Variants in PCDH9 observed in about 807,000 individuals in gnomAD.
PCDH9 encodes the protein protocadherin 9, also known as protocadherin-9.
In PCDH9, 24 loss-of-function variants were observed where a neutral mutation model predicts 70.6. The ratio of observed to expected loss-of-function variants is 0.34; its 90% confidence interval spans 0.25 to 0.48. The LOEUF is 0.48. Ranked by LOEUF, PCDH9 falls within the 20% of genes least tolerant of loss-of-function variation. PCDH9 has a pLI of 0.99. For synonymous variants in PCDH9, 562 were observed against 558.5 expected (o/e 1.01, Z -0.09); for missense variants, 1,281 against 1,503.6 (o/e 0.85, Z 2.45).
intron 4 of PCDH9, among the ~76,000 whole-genome samples, chr13:66,575,381 G>A (rs1256443862): frequency 6.6e-6 from 1 of 151,990 alleles, no homozygotes; most frequent in Non-Finnish European, 1.5e-5. Flanking sequence ...CAGAAATCTG[G>A]ATGTCTTTAT....
intron 3 of PCDH9, among the ~76,000 whole-genome samples, chr13:66,902,160 A>G (rs1015690068): frequency 1.3e-5 from 2 of 151,672 alleles, no homozygotes; most frequent in African/African-American, 2.4e-5. Context: ...TTCTTCTCTC[A>G]ATGTTCAAGA....
At chr13:66,570,728 A>G (rs57962321) in intron 4 of PCDH9, among the ~76,000 whole-genome samples, 52,542 of 151,940 alleles carry the variant, frequency 0.35, 9,579 homozygotes, top group African/African-American at 0.46. Context: ...ATTAGGCAAT[A>G]GATTTTGAAT....
At chr13:67,104,421 G>T (rs921701839) in intron 2 of PCDH9, among the ~76,000 whole-genome samples, 3 of 152,182 alleles carry the variant, frequency 2.0e-5, no homozygotes, top group African/African-American at 7.2e-5. Flanking sequence ...AGCCTTTGGA[G>T]TCATTTTCCT....
chr13:66,391,327 G>T (rs1957013935), intron 4 of PCDH9, among the ~76,000 whole-genome samples: 1 of 152,148 alleles, frequency 6.6e-6, no homozygotes, highest in South Asian at 2.1e-4. Context: ...TCTTCATGTG[G>T]ATGTCTTGAA....
At chr13:67,178,225 G>A (rs901973150) in intron 2 of PCDH9, among the ~76,000 whole-genome samples, 3 of 151,998 alleles carry the variant, frequency 2.0e-5, no homozygotes, top group Admixed American at 2.0e-4. Flanking sequence ...CTAAGATGGG[G>A]AAAAAGATAC....
chr13:66,953,263 C>T (rs1344094264), intron 2 of PCDH9, among the ~76,000 whole-genome samples: 1 of 152,050 alleles, frequency 6.6e-6, no homozygotes, highest in Non-Finnish European at 1.5e-5. Context: ...AACATTTCCA[C>T]CTAAAAATGC....
At chr13:66,504,127 G>A (rs1055884481) in intron 4 of PCDH9, among the ~76,000 whole-genome samples, 14 of 152,280 alleles carry the variant, frequency 9.2e-5, no homozygotes, top group African/African-American at 3.1e-4. Flanking sequence ...CACTGGCTCC[G>A]TTTGTCTTTC....
chr13:66,349,776 T>C (rs1956265764), intron 4 of PCDH9, among the ~76,000 whole-genome samples: 1 of 152,140 alleles, frequency 6.6e-6, no homozygotes, highest in African/African-American at 2.4e-5. Context: ...AGTTACGAGC[T>C]AAGAGAACGG....
chr13:66,338,827 A>G (rs1043008160), intron 4 of PCDH9, among the ~76,000 whole-genome samples: 1 of 151,838 alleles, frequency 6.6e-6, no homozygotes, highest in African/African-American at 2.4e-5. Flanking sequence ...AAAACGTTCT[A>G]TCCTTTTAGG....
At chr13:67,209,974 T>C (rs2089435928) in intron 2 of PCDH9, 1 of 152,094 alleles carries the variant, frequency 6.6e-6, no homozygotes, top group Admixed American at 6.6e-5. Context: ...TTTCTAACAC[T>C]TGTCCTGATA....
chr13:66,658,872 G>T (rs1050811156), intron 3 of PCDH9, among the ~76,000 whole-genome samples: 1 of 152,080 alleles, frequency 6.6e-6, no homozygotes, highest in African/African-American at 2.4e-5. Context: ...ACTACATTAA[G>T]AGTTTTATGT....
intron 2 of PCDH9, 152 bp downstream of exon 2, chr13:67,225,253 C>A: frequency 1.6e-6 from 2 of 1,268,848 alleles, no homozygotes; most frequent in East Asian, 2.5e-5. Flanking sequence ...CTTGACTGAG[C>A]CCCAGAGGAA....
At chr13:66,981,247 G>A (rs1274573843) in intron 2 of PCDH9, among the ~76,000 whole-genome samples, 2 of 152,046 alleles carry the variant, frequency 1.3e-5, no homozygotes, top group Admixed American at 1.3e-4. Context: ...GACCATCGTG[G>A]CTAACACGGT....
intron 3 of PCDH9, among the ~76,000 whole-genome samples, chr13:66,684,321 T>C (rs1196179297): frequency 6.6e-6 from 1 of 152,200 alleles, no homozygotes; most frequent in Non-Finnish European, 1.5e-5. Flanking sequence ...TACTTATTAA[T>C]ACTTTACAGA....
At chr13:67,057,951 T>C (rs548098562) in intron 2 of PCDH9, among the ~76,000 whole-genome samples, 17 of 152,256 alleles carry the variant, frequency 1.1e-4, no homozygotes, top group African/African-American at 4.1e-4. Flanking sequence ...ATTATAAATG[T>C]GTAATTAAAA....
At chr13:66,854,208 G>A (rs2081358641) in intron 3 of PCDH9, among the ~76,000 whole-genome samples, 1 of 152,130 alleles carries the variant, frequency 6.6e-6, no homozygotes, top group African/African-American at 2.4e-5. Flanking sequence ...TCCACTTGTA[G>A]TTGTATGACC....
chr13:67,215,977 A>G (rs1311360944), intron 2 of PCDH9: 3 of 152,172 alleles, frequency 2.0e-5, no homozygotes, highest in Non-Finnish European at 4.4e-5. Flanking sequence ...CTGAGTTGCC[A>G]TTTGAGACCA....
At chr13:66,907,508 C>G (rs2082383332) in intron 2 of PCDH9, among the ~76,000 whole-genome samples, 1 of 152,124 alleles carries the variant, frequency 6.6e-6, no homozygotes, top group Non-Finnish European at 1.5e-5. Context: ...CATGCCACTC[C>G]AAAACATCCA....
At chr13:66,898,326 CA>C (rs2082218625) in intron 3 of PCDH9, among the ~76,000 whole-genome samples, 1 of 151,618 alleles carries the variant, frequency 6.6e-6, no homozygotes, top group Non-Finnish European at 1.5e-5. Context: ...TGGGGTTTTC[CA>C]AAAAGCTGTC....
Sources: gnomAD v4.1 joint callset for allele counts (sites outside exome capture counted in the v4.1 genomes callset) on GRCh38, gnomAD v4.1.1 for gene constraint, MANE v1.5 for transcripts, NCBI Gene and HGNC (gene_info 2026-07-23, HGNC 2026-07-21) for gene names.